The following BCAS4 variants were observed in gnomAD, a reference collection of about 807,000 sequenced individuals.
The protein encoded by BCAS4 is breast carcinoma-amplified sequence 4.
Under a neutral mutation model 15.7 loss-of-function variants are expected in BCAS4, and 9 were observed. The ratio of observed to expected loss-of-function variants is 0.57; its 90% CI spans 0.34 to 1.00. The LOEUF (loss-of-function observed/expected upper bound fraction) is 1.00, where lower values mean the gene tolerates loss of function less well. BCAS4 is among the 50% of genes least tolerant of loss of function. BCAS4 has a pLI of 0.02. For synonymous variants in BCAS4, 101 were observed against 99.5 expected (o/e 1.02, Z -0.09); for missense variants, 225 against 239.1 (o/e 0.94, Z 0.39).
chr20:50,852,706 C>T (rs532608383), intron 4 of BCAS4, among the ~76,000 whole-genome samples: 11 of 152,300 alleles, frequency 7.2e-5, no homozygotes, highest in East Asian at 3.9e-4. Context: ...TTTAAAAGAG[C>T]GGATGCAGAT....
chr20:50,864,366 G>A (rs1370854514), intron 4 of BCAS4, among the ~76,000 whole-genome samples: 1 of 151,918 alleles, frequency 6.6e-6, no homozygotes. Flanking sequence ...TATCCCTGCA[G>A]AGGATTGTTG....
At chr20:50,870,312 C>T (rs1031876156) in intron 4 of BCAS4, among the ~76,000 whole-genome samples, 2 of 152,126 alleles carry the variant, frequency 1.3e-5, no homozygotes, top group African/African-American at 2.4e-5. Context: ...CGAGGGGCTG[C>T]GGCGGGTTTG....
At chr20:50,862,220 G>A (rs929209248) in intron 4 of BCAS4, among the ~76,000 whole-genome samples, 2 of 150,276 alleles carry the variant, frequency 1.3e-5, no homozygotes, top group African/African-American at 2.5e-5. Context: ...ATCTGTTTCC[G>A]CTCTCTGGAT....
intron 1 of BCAS4, 86 bp downstream of exon 1, chr20:50,795,259 C>T (rs2087840005): frequency 8.4e-7 from 1 of 1,196,438 alleles, no homozygotes; most frequent in Admixed American, 3.9e-5. Flanking sequence ...CCGGAGCATC[C>T]TCTCGCTCCC....
At chr20:50,833,870 G>T (rs375777369) in intron 3 of BCAS4, among the ~76,000 whole-genome samples, 1 of 152,146 alleles carries the variant, frequency 6.6e-6, no homozygotes, top group Admixed American at 6.5e-5. Context: ...TGGGTCAGCC[G>T]CAAGAGCACA....
intron 4 of BCAS4, among the ~76,000 whole-genome samples, chr20:50,864,925 C>G (rs1979281695): frequency 6.6e-6 from 1 of 151,552 alleles, no homozygotes; most frequent in Admixed American, 6.6e-5. Flanking sequence ...GAAACCCCGT[C>G]TCTACTAAAA....
intron 2 of BCAS4, among the ~76,000 whole-genome samples, chr20:50,824,999 C>T (rs1192901075): frequency 6.6e-6 from 1 of 152,146 alleles, no homozygotes; most frequent in Non-Finnish European, 1.5e-5. Context: ...GAAGGGTGGT[C>T]TCAGGCCCAT....
At position 50,851,770 on chromosome 20, in the gene BCAS4, C is replaced by G. The variant is rs1271946958; in HGVS notation, c.399+9870C>G. 6.6e-6 allele frequency among the ~76,000 whole-genome samples: 1 copy of G among 152,190 alleles called. No individual in the cohort carries two copies. The highest frequency in any genetic ancestry group is 2.4e-5 in the African/African-American group (1 of 41,432). On this transcript the variant is annotated intron_variant, in intron 4 of 4. Transcript: ENST00000371608. This position sits in a 1 kb window ranked among gnomAD's most constrained non-coding sequence, Gnocchi z 4.3. ...CCTCCCTGGAAAACCCTTCCCGCTC[C>G]CCACCTGGCAATGTTCATTATTGTT...
At chr20:50,816,791 A>AT (rs35600563) in intron 1 of BCAS4, among the ~76,000 whole-genome samples, 2,868 of 80,858 alleles carry the variant, frequency 0.035, 335 homozygotes, top group Non-Finnish European at 0.043. Context: ...TGCCTGGCTA[A>AT]TTTTTTTTTT....
At chr20:50,873,032 C>G (rs1325336971) in intron 4 of BCAS4, among the ~76,000 whole-genome samples, 2 of 152,228 alleles carry the variant, frequency 1.3e-5, no homozygotes, top group Non-Finnish European at 2.9e-5. Context: ...GAGCTTGTCT[C>G]CCTGCGACCC....
chr20:50,861,038 C>A (rs1396755863), intron 4 of BCAS4, among the ~76,000 whole-genome samples: 1 of 150,596 alleles, frequency 6.6e-6, no homozygotes, highest in African/African-American at 2.4e-5. Flanking sequence ...GCAGGCAGAG[C>A]CAACAGGATT....
At chr20:50,812,691 C>T (rs576013853) in intron 1 of BCAS4, among the ~76,000 whole-genome samples, 9 of 151,308 alleles carry the variant, frequency 5.9e-5, no homozygotes, top group Non-Finnish European at 5.9e-5. Flanking sequence ...CTGCCTGCCT[C>T]GGCCTCCCAA....
At chr20:50,870,033 G>A (rs1031823161) in intron 4 of BCAS4, among the ~76,000 whole-genome samples, 1 of 152,194 alleles carries the variant, frequency 6.6e-6, no homozygotes, top group African/African-American at 2.4e-5. Context: ...ACAGGCATGA[G>A]CCATCACACC....
rs574490062 is a variant in BCAS4, at chr20:50,800,861, G to A, written c.90+5688G>A. Among the ~76,000 whole-genome samples, 51 of 151,966 alleles carry A rather than the reference G, an allele frequency of 3.4e-4. 1 individual carries two copies. Among genetic ancestry groups the A allele is most frequent in the African/African-American group, 9.9e-4 (41 of 41,472 alleles). On this transcript the variant is annotated intron_variant, in intron 1 of 4. Coordinates refer to ENST00000371608, the MANE Select transcript of BCAS4 (RefSeq NM_198799.4). ...ATAGGCATGAGCCACCGCGCCTGGC[G>A]AACTTTTGATTTTTCTATAGTCAGG...
intron 1 of BCAS4, among the ~76,000 whole-genome samples, chr20:50,804,227 CG>C (rs1379345573): frequency 6.6e-6 from 1 of 152,054 alleles, no homozygotes; most frequent in Non-Finnish European, 1.5e-5. Flanking sequence ...TCAGTAGAGG[CG>C]GGGTTTCACC....
intron 4 of BCAS4, among the ~76,000 whole-genome samples, chr20:50,868,394 C>T (rs1319861402): frequency 3.3e-5 from 5 of 152,198 alleles, no homozygotes; most frequent in Non-Finnish European, 7.3e-5. Context: ...GCTTTTGCAT[C>T]TAGCAGTTGT....
intron 1 of BCAS4, among the ~76,000 whole-genome samples, chr20:50,808,702 A>T (rs931049866): frequency 1.1e-4 from 16 of 148,608 alleles, no homozygotes; most frequent in Non-Finnish European, 1.6e-4. Flanking sequence ...TTTTGATGGG[A>T]TTTTTTTTTT....
intron 1 of BCAS4, among the ~76,000 whole-genome samples, chr20:50,802,900 GGC>G (rs2087945077): frequency 6.7e-6 from 1 of 150,098 alleles, no homozygotes; most frequent in South Asian, 2.1e-4. Flanking sequence ...AAAACACGTT[GGC>G]TGGCCATGGT....
chr20:50,838,419 A>T (rs6020786), intron 3 of BCAS4, among the ~76,000 whole-genome samples: 31,655 of 152,168 alleles, frequency 0.21, 3,386 homozygotes, highest in African/African-American at 0.26. Flanking sequence ...GATGGAAGCC[A>T]GAAAGACAGA....
Sources: allele counts gnomAD v4.1 joint callset (sites outside exome capture counted in the v4.1 genomes callset), GRCh38; gene constraint gnomAD v4.1.1; non-coding constraint Gnocchi (gnomAD v3.1); transcripts MANE v1.5; gene names NCBI Gene and HGNC (gene_info 2026-07-23, HGNC 2026-07-21).